LRRIQ1: variants seen among roughly 807,000 people sequenced by gnomAD.
LRRIQ1 encodes leucine rich repeats and IQ motif containing 1.
In LRRIQ1, 210 loss-of-function variants were observed where a neutral mutation model predicts 211.9. The observed-to-expected ratio is 0.99, with a 90% CI of 0.89 to 1.11. The LOEUF is 1.11. Among genes scored for constraint, LRRIQ1 ranks in the 50% most tolerant of loss-of-function variants. The pLI, the probability that LRRIQ1 is intolerant of heterozygous loss-of-function variation, is 0.00. For synonymous variants in LRRIQ1, 699 were observed against 650.1 expected, an observed-to-expected ratio of 1.08 and a Z score of -1.14; for missense variants, 2,136 against 1,939.5, an observed-to-expected ratio of 1.10 and a Z score of -1.90.
chr12:85,241,264 G>A (rs1244470125), intron 26 of LRRIQ1, among the ~76,000 whole-genome samples: 1 of 151,876 alleles, frequency 6.6e-6, no homozygotes, highest in Non-Finnish European at 1.5e-5. Context: ...TAAGGTCTTT[G>A]CACTTTACGG....
intron 3 of LRRIQ1, 39 bp downstream of exon 3, chr12:85,040,640 T>A: frequency 8.2e-7 from 1 of 1,226,258 alleles, no homozygotes. Context: ...ATAAGCTTTC[T>A]GTAAGTATGA....
At chr12:85,160,781 C>T (rs1007124008) in intron 24 of LRRIQ1, 67 bp downstream of exon 24, 3 of 826,028 alleles carry the variant, frequency 3.6e-6, no homozygotes, top group Admixed American at 2.8e-5. Flanking sequence ...ATTATATTTA[C>T]AATAAATTTT....
intron 8 of LRRIQ1, among the ~76,000 whole-genome samples, chr12:85,058,492 A>G (rs368975216): frequency 6.6e-6 from 1 of 151,990 alleles, no homozygotes; most frequent in Non-Finnish European, 1.5e-5. Context: ...CTTCATGCCT[A>G]CAGTGTACTT....
At chr12:85,105,602 A>G (rs993765677) in intron 14 of LRRIQ1, among the ~76,000 whole-genome samples, 1 of 149,962 alleles carries the variant, frequency 6.7e-6, no homozygotes, top group African/African-American at 2.5e-5. Flanking sequence ...TTTGTTGAAC[A>G]TTGTAGATAA....
At chr12:85,174,015 C>T (rs1222677032) in intron 24 of LRRIQ1, among the ~76,000 whole-genome samples, 1 of 151,988 alleles carries the variant, frequency 6.6e-6, no homozygotes, top group African/African-American at 2.4e-5. Flanking sequence ...TTTGCAGTTT[C>T]CTATCAACTT....
At chr12:85,197,967 T>A (rs1221723188) in intron 24 of LRRIQ1, among the ~76,000 whole-genome samples, 8 of 106,192 alleles carry the variant, frequency 7.5e-5, no homozygotes, top group Admixed American at 5.3e-4. Flanking sequence ...ATATTATATA[T>A]AAATATATAT....
intron 15 of LRRIQ1, among the ~76,000 whole-genome samples, chr12:85,109,065 G>T (rs889618145): frequency 6.6e-6 from 1 of 152,146 alleles, no homozygotes; most frequent in African/African-American, 2.4e-5. Flanking sequence ...GTGTGGCCAT[G>T]TCCAGGAAGA....
chr12:85,092,836 A>G (rs1885528791), intron 11 of LRRIQ1, among the ~76,000 whole-genome samples: 1 of 152,214 alleles, frequency 6.6e-6, no homozygotes, highest in Non-Finnish European at 1.5e-5. Context: ...CCACATCGCT[A>G]AAGCAAAGAA....
At chr12:85,166,367 G>T (rs1203727060) in intron 24 of LRRIQ1, among the ~76,000 whole-genome samples, 1 of 152,060 alleles carries the variant, frequency 6.6e-6, no homozygotes, top group Non-Finnish European at 1.5e-5. Context: ...TCACTAACAT[G>T]CTTCCTATTT....
At chr12:85,112,032 A>G (rs538069957) in intron 15 of LRRIQ1, among the ~76,000 whole-genome samples, 2 of 152,052 alleles carry the variant, frequency 1.3e-5, no homozygotes, top group Non-Finnish European at 2.9e-5. Context: ...ATTAATTAGC[A>G]TACATTAGAT....
chr12:85,210,431 A>C (rs1274606133), intron 24 of LRRIQ1, among the ~76,000 whole-genome samples: 3 of 152,202 alleles, frequency 2.0e-5, no homozygotes, highest in Non-Finnish European at 4.4e-5. Flanking sequence ...AAGATAGTAG[A>C]ATTTGTTGGA....
intron 18 of LRRIQ1, among the ~76,000 whole-genome samples, chr12:85,134,588 G>A (rs767162464): frequency 2.0e-5 from 3 of 151,932 alleles, no homozygotes; most frequent in Non-Finnish European, 4.4e-5. Context: ...GAAGAATACT[G>A]TTCCTTTGCA....
chr12:85,103,320 T>G (rs1886527869), intron 13 of LRRIQ1, among the ~76,000 whole-genome samples: 1 of 151,512 alleles, frequency 6.6e-6, no homozygotes, highest in Non-Finnish European at 1.5e-5. Context: ...ATCAGTGTGT[T>G]TTGGCCAAGT....
Position 85,047,283 on chromosome 12 carries a change from A to G in LRRIQ1, c.491A>G (p.Glu164Gly). The G allele has an allele frequency of 6.2e-7, 1 of 1,601,996 alleles. No homozygotes were observed. Among genetic ancestry groups the G allele is most frequent in the African/African-American group, 1.4e-5 (1 of 74,006 alleles). The change falls in exon 6 of 27, where the codon GAA becomes GGA. Residue 164 changes from glutamate to glycine, a missense_variant. Transcript: ENST00000393217. ...ATAAATTTTGGATACTGTGAAGTGG[A>G]AGAAAAATGTAGACAGTCTTTTGAG... ...ADINFGYCEV[E>G]EKCRQSFEAW...
chr12:85,243,954 A>G (rs1368670556), intron 26 of LRRIQ1, among the ~76,000 whole-genome samples: 1 of 151,636 alleles, frequency 6.6e-6, no homozygotes, highest in Non-Finnish European at 1.5e-5. Flanking sequence ...AACATTAAGA[A>G]CAATGCATTT....
intron 24 of LRRIQ1, among the ~76,000 whole-genome samples, chr12:85,181,164 C>T (rs1385164910): frequency 1.3e-5 from 2 of 151,976 alleles, no homozygotes; most frequent in African/African-American, 2.4e-5. Context: ...AAACTGATAC[C>T]TTTAAACATT....
At chr12:85,109,099 G>C (rs1044047268) in intron 15 of LRRIQ1, among the ~76,000 whole-genome samples, 1 of 152,144 alleles carries the variant, frequency 6.6e-6, no homozygotes, top group Non-Finnish European at 1.5e-5. Context: ...AATTTCAGAG[G>C]AGTATAAGAT....
intron 24 of LRRIQ1, among the ~76,000 whole-genome samples, chr12:85,196,996 C>T (rs1373644227): frequency 6.6e-6 from 1 of 150,984 alleles, no homozygotes; most frequent in Non-Finnish European, 1.5e-5. Context: ...AAACAAACAA[C>T]CCCATCAAAA....
At chr12:85,185,320 G>A (rs1444798263) in intron 24 of LRRIQ1, among the ~76,000 whole-genome samples, 1 of 151,718 alleles carries the variant, frequency 6.6e-6, no homozygotes, top group Non-Finnish European at 1.5e-5. Flanking sequence ...GTATATGTAT[G>A]TGTCTAATTT....
Sources: gnomAD v4.1 joint callset for allele counts (sites outside exome capture counted in the v4.1 genomes callset) on GRCh38, gnomAD v4.1.1 for gene constraint, MANE v1.5 for transcripts, NCBI Gene and HGNC (gene_info 2026-07-23, HGNC 2026-07-21) for gene names.